Variants in POF1B observed in about 807,000 individuals in gnomAD.
POF1B encodes the protein POF1B actin binding protein.
A neutral mutation model predicts 55.3 loss-of-function variants in POF1B; 53 were observed. The observed-to-expected ratio is 0.96, with a 90% confidence interval of 0.77 to 1.20. POF1B has a LOEUF of 1.20. POF1B is among the 50% of genes most tolerant of loss of function. The pLI, the probability that POF1B is intolerant of heterozygous loss-of-function variation, is 0.00. For missense variants in POF1B, 478 were observed against 420.5 expected (o/e 1.14, Z -1.20); for synonymous variants, 188 against 148.3 (o/e 1.27, Z -1.95).
chrX:85,278,562 G>A lies in POF1B; in HGVS notation c.*859C>T, dbSNP rs899545941. On this transcript the variant is annotated 3_prime_UTR_variant, in exon 17 of 17. Transcript: ENST00000262753. Reference sequence around the variant, plus strand: ...AGTAGGATAAATCTATCAAGTATTTGTTGCTGCTATTTTTATTCCCTAAGT... The same window carrying A: ...AGTAGGATAAATCTATCAAGTATTTATTGCTGCTATTTTTATTCCCTAAGT... 3 of 111,250 alleles carry A rather than the reference G, an allele frequency of 2.7e-5. No individual in the cohort carries two copies. Among genetic ancestry groups the A allele is most frequent in the African/African-American group, 9.8e-5 (3 of 30,731 alleles). The allele number at this position is 111,250 out of a possible 1,213,427, so 9.2% of individuals were successfully genotyped here.
intron 16 of POF1B, among the ~76,000 whole-genome samples, chrX:85,279,664 A>C (rs1569276015): frequency 9.0e-6 from 1 of 110,915 alleles, no homozygotes; most frequent in African/African-American, 3.3e-5. Context: ...AATTAAGTAG[A>C]TTTCCTTCTT....
chrX:85,285,086 T>G (rs1402179126), intron 15 of POF1B, among the ~76,000 whole-genome samples: 1 of 111,468 alleles, frequency 9.0e-6, no homozygotes, highest in African/African-American at 3.3e-5. Flanking sequence ...ATCAGAGAAA[T>G]GCAAATTAAA....
chrX:85,347,944 A>G (rs1428582230), intron 5 of POF1B, among the ~76,000 whole-genome samples: 1 of 111,468 alleles, frequency 9.0e-6, no homozygotes, highest in Admixed American at 9.6e-5. Context: ...CACTCATTGG[A>G]GAGCTTGTAG....
chrX:85,347,292 T>A (rs965005342), intron 5 of POF1B, among the ~76,000 whole-genome samples: 1 of 111,378 alleles, frequency 9.0e-6, no homozygotes, highest in East Asian at 2.8e-4. Flanking sequence ...CTTTTGACTA[T>A]GGAAAGTTGG....
chrX:85,318,702 G>T (rs997847963), intron 7 of POF1B, among the ~76,000 whole-genome samples: 11 of 111,244 alleles, frequency 9.9e-5, no homozygotes, highest in African/African-American at 2.9e-4. Context: ...TTATTTCTGG[G>T]ATCTCTATTC....
intron 15 of POF1B, among the ~76,000 whole-genome samples, chrX:85,293,698 G>A (rs1175201318): frequency 8.9e-6 from 1 of 112,149 alleles, no homozygotes; most frequent in East Asian, 2.8e-4. Flanking sequence ...AACAGGCCGG[G>A]CATGGTGGCT....
intron 7 of POF1B, among the ~76,000 whole-genome samples, chrX:85,316,448 C>G (rs1345895897): frequency 9.0e-6 from 1 of 110,958 alleles, no homozygotes; most frequent in African/African-American, 3.3e-5. Flanking sequence ...CAGACTGGCA[C>G]TTACTCCTTT....
At chrX:85,325,940 G>C (rs1932892097) in intron 7 of POF1B, among the ~76,000 whole-genome samples, 2 of 110,366 alleles carry the variant, frequency 1.8e-5, no homozygotes, top group South Asian at 8.1e-4. Context: ...GAGGATTTTA[G>C]GGGGCCAAGA....
intron 2 of POF1B, among the ~76,000 whole-genome samples, chrX:85,375,245 A>T (rs1383850731): frequency 8.9e-6 from 1 of 112,096 alleles, no homozygotes; most frequent in Non-Finnish European, 1.9e-5. Context: ...TTATTAATAA[A>T]AGTTTTAACT....
At chrX:85,350,609 T>C (rs1038090458) in intron 5 of POF1B, among the ~76,000 whole-genome samples, 2 of 111,195 alleles carry the variant, frequency 1.8e-5, no homozygotes, top group African/African-American at 6.5e-5. Context: ...AATCACCACA[T>C]TGACTTCCAC....
intron 7 of POF1B, among the ~76,000 whole-genome samples, chrX:85,323,790 C>T (rs893085485): frequency 1.7e-4 from 19 of 109,692 alleles, no homozygotes; most frequent in Non-Finnish European, 2.5e-4. Flanking sequence ...TTCTATAGTT[C>T]CTCTAGATGT....
intron 15 of POF1B, among the ~76,000 whole-genome samples, chrX:85,289,784 A>C (rs1019565845): frequency 1.8e-5 from 2 of 110,937 alleles, no homozygotes; most frequent in African/African-American, 6.5e-5. Context: ...CAGGCAAACA[A>C]CCCCTAGCAA....
intron 5 of POF1B, among the ~76,000 whole-genome samples, chrX:85,350,854 A>G (rs1933369341): frequency 9.0e-6 from 1 of 111,608 alleles, no homozygotes; most frequent in South Asian, 3.7e-4. Context: ...CTGCAGTTTT[A>G]TACTTGGTCT....
chrX:85,362,894 A>T (rs1366155346), intron 3 of POF1B, among the ~76,000 whole-genome samples: 2 of 110,592 alleles, frequency 1.8e-5, no homozygotes, highest in African/African-American at 6.6e-5. Flanking sequence ...TTTGGTTGTT[A>T]GGCTATTTAT....
At chrX:85,363,638 C>A (rs998581506) in intron 3 of POF1B, among the ~76,000 whole-genome samples, 1 of 111,889 alleles carries the variant, frequency 8.9e-6, no homozygotes, top group Non-Finnish European at 1.9e-5. Flanking sequence ...AGTTCTCTTG[C>A]AGTTCCTGAA....
In POF1B at chrX:85,345,536, A is replaced by G. The variant is rs1042596752; in HGVS notation, c.723+324T>C. On this transcript the variant is annotated intron_variant, in intron 6 of 16. Transcript: ENST00000262753. ...TAATATAACTTCCAATTTATTGTTCATTTAAATACCATACCTCGTGAAAAT... is the reference window on the plus strand; with the variant it reads ...TAATATAACTTCCAATTTATTGTTCGTTTAAATACCATACCTCGTGAAAAT... 2.7e-5 allele frequency among the ~76,000 whole-genome samples: 3 copies of G among 111,537 alleles called. No individual in the cohort carries two copies. The Admixed American group carries it at 2.9e-4, about 11-fold the overall frequency.
Position 85,298,849 on chromosome X carries a change from G to A in POF1B, c.1649+4557C>T, listed in dbSNP as rs79402490. On this transcript the variant is annotated intron_variant, in intron 15 of 16. Coordinates refer to ENST00000262753, the MANE Select transcript of POF1B (RefSeq NM_024921.4). The stretch of plus-strand genomic sequence containing the variant: ...TTTGAGAGGTCATCATGGGATGATT[G>A]CTTGAGACCAGGAATTTGAGGCCAG... Among the ~76,000 whole-genome samples, 42 of 109,150 alleles carry A rather than the reference G, an allele frequency of 3.8e-4. No individual in the cohort carries two copies. In the East Asian group the frequency reaches 0.012, roughly 32 times the overall value. The allele number at this position is 109,150 out of a possible 115,157, so 94.8% of individuals were successfully genotyped here. A position where few individuals can be genotyped will look rare whatever the true frequency, so the allele number is the denominator to read the frequency against.
intron 5 of POF1B, among the ~76,000 whole-genome samples, chrX:85,350,896 G>C (rs1052605145): frequency 1.5e-4 from 17 of 111,468 alleles, no homozygotes; most frequent in Non-Finnish European, 3.2e-4. Flanking sequence ...TTTTTTAAAT[G>C]TACTAGAAGC....
At chrX:85,372,051 A>C (rs1428046447) in intron 2 of POF1B, among the ~76,000 whole-genome samples, 1 of 111,945 alleles carries the variant, frequency 8.9e-6, no homozygotes, top group Non-Finnish European at 1.9e-5. Flanking sequence ...AGTCTGGTGA[A>C]AAAGAATTTG....
Sources: gnomAD v4.1 joint callset for allele counts (sites outside exome capture counted in the v4.1 genomes callset) on GRCh38, gnomAD v4.1.1 for gene constraint, MANE v1.5 for transcripts, NCBI Gene and HGNC (gene_info 2026-07-23, HGNC 2026-07-21) for gene names.